Variants in PTPRD observed in about 807,000 individuals in gnomAD.
PTPRD encodes protein tyrosine phosphatase receptor type D, also known as receptor-type tyrosine-protein phosphatase delta.
In PTPRD, 34 loss-of-function variants were observed where a neutral mutation model predicts 214.5. The observed-to-expected ratio is 0.16, with a 90% CI of 0.12 to 0.21. The LOEUF (loss-of-function observed/expected upper bound fraction) is 0.21, where lower values mean the gene tolerates loss of function less well. PTPRD is among the 10% of genes least tolerant of loss of function. PTPRD has a pLI of 1.00. For missense variants in PTPRD, 2,545 were observed against 2,398.7 expected (o/e 1.06, Z -1.27); for synonymous variants, 1,128 against 845.7 (o/e 1.33, Z -5.79).
intron 10 of PTPRD, among the ~76,000 whole-genome samples, chr9:9,040,506 T>C (rs1278459076): frequency 6.6e-6 from 1 of 152,184 alleles, no homozygotes; most frequent in Non-Finnish European, 1.5e-5. Context: ...CTAATTTACA[T>C]ATTCAACCGC....
chr9:9,974,729 G>A (rs1258409867), intron 4 of PTPRD, among the ~76,000 whole-genome samples: 1 of 152,104 alleles, frequency 6.6e-6, no homozygotes, highest in Admixed American at 6.6e-5. Flanking sequence ...TAGACTGTGA[G>A]CTCTTTGAGG....
intron 3 of PTPRD, among the ~76,000 whole-genome samples, chr9:10,119,144 A>G (rs1235757883): frequency 6.6e-6 from 1 of 152,004 alleles, no homozygotes; most frequent in Non-Finnish European, 1.5e-5. Context: ...CAGAAACTAA[A>G]GTTCCATAAG....
At chr9:10,592,248 T>C (rs2075642719) in intron 2 of PTPRD, among the ~76,000 whole-genome samples, 1 of 152,008 alleles carries the variant, frequency 6.6e-6, no homozygotes, top group African/African-American at 2.4e-5. Context: ...AGTGGGGAGA[T>C]GTCCTAGAAG....
chr9:9,199,936 G>T (rs187096136), intron 9 of PTPRD, among the ~76,000 whole-genome samples: 3 of 152,244 alleles, frequency 2.0e-5, no homozygotes, highest in Non-Finnish European at 4.4e-5. Flanking sequence ...GGTTTAGCAA[G>T]TCTTTGAAAC....
chr9:9,345,978 A>G (rs1272385642), intron 9 of PTPRD, among the ~76,000 whole-genome samples: 1 of 152,136 alleles, frequency 6.6e-6, no homozygotes, highest in African/African-American at 2.4e-5. Flanking sequence ...TTAACAGTGG[A>G]ACTCTTTTTA....
chr9:9,302,758 A>T (rs564822972), intron 9 of PTPRD, among the ~76,000 whole-genome samples: 1 of 151,512 alleles, frequency 6.6e-6, no homozygotes, highest in South Asian at 2.1e-4. Flanking sequence ...ATAATTCCTC[A>T]TAGCAGTTCC....
intron 14 of PTPRD, among the ~76,000 whole-genome samples, chr9:8,549,469 A>T (rs2081351661): frequency 6.6e-6 from 1 of 152,226 alleles, no homozygotes; most frequent in South Asian, 2.1e-4. Context: ...CAGTGAGAAG[A>T]GTATGGGAAA....
intron 30 of PTPRD, among the ~76,000 whole-genome samples, chr9:8,476,612 C>A (rs2096770847): frequency 6.6e-6 from 1 of 152,068 alleles, no homozygotes; most frequent in African/African-American, 2.4e-5. Context: ...CCTATTACCC[C>A]CATTATATGG....
chr9:9,470,067 G>A (rs1040534671), intron 8 of PTPRD, among the ~76,000 whole-genome samples: 4 of 152,166 alleles, frequency 2.6e-5, no homozygotes, highest in Non-Finnish European at 4.4e-5. Flanking sequence ...TTTATCTCAA[G>A]TGCATACCTT....
At chr9:9,864,017 A>G (rs190094281) in intron 5 of PTPRD, among the ~76,000 whole-genome samples, 1 of 152,146 alleles carries the variant, frequency 6.6e-6, no homozygotes, top group South Asian at 2.1e-4. Context: ...TAAGTTTGAA[A>G]GGTTTGGCCG....
intron 7 of PTPRD, among the ~76,000 whole-genome samples, chr9:9,601,111 A>ATGTGTGTGTGTG (rs140016979): frequency 2.1e-5 from 2 of 97,474 alleles, no homozygotes; most frequent in African/African-American, 8.5e-5. Context: ...AGATTAATAT[A>ATGTGTGTGTGTG]TGTGTGTGTG....
At chr9:8,340,755 TAAG>T (rs908222118) in intron 41 of PTPRD, among the ~76,000 whole-genome samples, 2 of 150,500 alleles carry the variant, frequency 1.3e-5, no homozygotes, top group African/African-American at 2.4e-5. Context: ...ACAAATTACT[TAAG>T]AAACACTTAG....
At chr9:9,961,579 G>A (rs1368133480) in intron 4 of PTPRD, among the ~76,000 whole-genome samples, 1 of 152,110 alleles carries the variant, frequency 6.6e-6, no homozygotes, top group Non-Finnish European at 1.5e-5. Context: ...GTTAAATACT[G>A]AATAAAGTAT....
intron 11 of PTPRD, among the ~76,000 whole-genome samples, chr9:8,776,286 C>T (rs556189277): frequency 2.6e-5 from 4 of 152,266 alleles, no homozygotes; most frequent in African/African-American, 7.2e-5. Context: ...TTAAACTAGA[C>T]ACCTCAAAAG....
At chr9:8,567,266 T>C (rs147314188) in intron 14 of PTPRD, among the ~76,000 whole-genome samples, 64 of 152,346 alleles carry the variant, frequency 4.2e-4, no homozygotes, top group African/African-American at 1.5e-3. Flanking sequence ...CTCTATTGCT[T>C]CTGCCTCAAA....
chr9:8,601,575 C>A (rs954892547), intron 14 of PTPRD, among the ~76,000 whole-genome samples: 2 of 152,006 alleles, frequency 1.3e-5, no homozygotes, highest in African/African-American at 4.8e-5. Context: ...GAAAGTAAGG[C>A]AAGAGAACAA....
intron 5 of PTPRD, among the ~76,000 whole-genome samples, chr9:9,847,022 A>T (rs2059667855): frequency 6.6e-6 from 1 of 152,246 alleles, no homozygotes; most frequent in Admixed American, 6.6e-5. Flanking sequence ...AAGCATCCAG[A>T]CATTCAAGTA....
Position 10,024,517 on chromosome 9 carries a change from G to A in PTPRD, c.-472+9201C>T, listed in dbSNP as rs1052964960. 2.0e-5 allele frequency among the ~76,000 whole-genome samples: 3 copies of A among 152,200 alleles called. No individual in the cohort carries two copies. In the East Asian group the frequency reaches 5.8e-4, roughly 29 times the overall value. On this transcript the variant is annotated intron_variant, in intron 4 of 45. Coordinates refer to ENST00000381196, the MANE Select transcript of PTPRD (RefSeq NM_002839.4). Reference sequence around the variant, plus strand: ...GACATGCTGTGTTATATTCAGCACTGTAGTCATGTCCTAATTCACTAGTCT... The same window carrying A: ...GACATGCTGTGTTATATTCAGCACTATAGTCATGTCCTAATTCACTAGTCT...
intron 32 of PTPRD, among the ~76,000 whole-genome samples, chr9:8,463,989 A>C (rs2096486566): frequency 6.6e-6 from 1 of 152,006 alleles, no homozygotes; most frequent in South Asian, 2.1e-4. Flanking sequence ...GAAAGATGAT[A>C]GAATAAAGGG....
Sources: allele counts gnomAD v4.1 joint callset (sites outside exome capture counted in the v4.1 genomes callset), GRCh38; gene constraint gnomAD v4.1.1; transcripts MANE v1.5; gene names NCBI Gene and HGNC (gene_info 2026-07-23, HGNC 2026-07-21).